Variants in MAP2 observed in about 807,000 individuals in gnomAD.
MAP2 encodes microtubule associated protein 2, also known as microtubule-associated protein 2.
MAP2 carries 14 observed loss-of-function variants against 137.6 expected under a neutral mutation model. That is an observed-to-expected ratio of 0.10 (90% CI 0.07 to 0.16). The LOEUF is 0.16. Ranked by LOEUF, MAP2 falls within the 10% of genes least tolerant of loss-of-function variation. The pLI, the probability that MAP2 is intolerant of heterozygous loss-of-function variation, is 1.00. For missense variants in MAP2, 2,088 were observed against 2,191.5 expected (o/e 0.95, Z 0.94); for synonymous variants, 786 against 782.3 (o/e 1.00, Z -0.08).
At chr2:209,445,660 A>G (rs1370732322) in intron 1 of MAP2, among the ~76,000 whole-genome samples, 1 of 151,686 alleles carries the variant, frequency 6.6e-6, no homozygotes, top group Non-Finnish European at 1.5e-5. Flanking sequence ...CTTATTAAAT[A>G]TGATCAAGAA....
chr2:209,626,009 A>T (rs573649999), intron 4 of MAP2, among the ~76,000 whole-genome samples: 4 of 152,274 alleles, frequency 2.6e-5, no homozygotes, highest in South Asian at 2.1e-4. Flanking sequence ...TAGTTTTTTT[A>T]AATTAGAAGT....
chr2:209,570,687 A>G (rs1427972083), intron 2 of MAP2, among the ~76,000 whole-genome samples: 2 of 151,920 alleles, frequency 1.3e-5, no homozygotes, highest in Non-Finnish European at 2.9e-5. Context: ...AAAGAGCTTT[A>G]TGACATTATG....
chr2:209,660,536 G>C (rs1334143791), intron 5 of MAP2, among the ~76,000 whole-genome samples: 4 of 147,192 alleles, frequency 2.7e-5, no homozygotes, highest in Non-Finnish European at 1.5e-5. Flanking sequence ...GGGACTACAG[G>C]CGCCCGCCAC....
At position 209,693,232 on chromosome 2, in the gene MAP2, A is replaced by G. The variant is rs2059400382; in HGVS notation, c.1062A>G (p.Gln354=). The G allele has an allele frequency of 6.2e-7, 1 of 1,614,006 alleles. No homozygotes were observed. The highest frequency in any genetic ancestry group is 1.1e-5 in the South Asian group (1 of 91,040). The change falls in exon 8 of 16, where the codon CAA becomes CAG. Residue 354 remains glutamine (Q), a synonymous_variant. Transcript: ENST00000682079. ...FLQPDDKKSL[Q]QTSGPATAKD... ...AGCCAGATGACAAAAAATCTCTGCA[A>G]CAAACCAGTGGCCCAGCTACTGCCA...
rs374626748 is a variant in MAP2 at position 209,453,916 on chromosome 2, C to T, written c.-222+29640C>T. On this transcript the variant is annotated intron_variant, in intron 1 of 15. Coordinates refer to ENST00000682079, the MANE Select transcript of MAP2 (RefSeq NM_001375505.1). Reference sequence around the variant, plus strand: ...CCTGTAATCCCAGAACTTTGGGAGGCCCAGACGGGTGGATCACAAGGTCAG... The same window carrying T: ...CCTGTAATCCCAGAACTTTGGGAGGTCCAGACGGGTGGATCACAAGGTCAG... Among the ~76,000 whole-genome samples the T allele has an allele frequency of 3.3e-4, 50 of 152,100 alleles. 1 individual carries two copies. Among genetic ancestry groups the T allele is most frequent in the African/African-American group, 1.2e-3 (50 of 41,524 alleles).
At chr2:209,614,935 G>C (rs1424513081) in intron 3 of MAP2, among the ~76,000 whole-genome samples, 3 of 152,136 alleles carry the variant, frequency 2.0e-5, no homozygotes, top group Non-Finnish European at 4.4e-5. Context: ...TGCTTCTAGA[G>C]CTTTTAGCTT....
At chr2:209,657,859 T>C (rs1227684371) in intron 5 of MAP2, among the ~76,000 whole-genome samples, 1 of 152,214 alleles carries the variant, frequency 6.6e-6, no homozygotes, top group Admixed American at 6.5e-5. Context: ...TTCAGAAAAG[T>C]TTTTCCTGGG....
intron 2 of MAP2, among the ~76,000 whole-genome samples, chr2:209,543,343 T>A (rs1302627729): frequency 6.6e-6 from 1 of 152,120 alleles, no homozygotes; most frequent in Admixed American, 6.5e-5. Context: ...CCATAACAGA[T>A]ATAAAAATAA....
At chr2:209,565,456 G>A (rs2073177446) in intron 2 of MAP2, among the ~76,000 whole-genome samples, 1 of 152,052 alleles carries the variant, frequency 6.6e-6, no homozygotes, top group Non-Finnish European at 1.5e-5. Context: ...CTGGGCTCAA[G>A]CGATCCTCCC....
chr2:209,562,591 G>A (rs2072401849), intron 2 of MAP2, among the ~76,000 whole-genome samples: 1 of 152,038 alleles, frequency 6.6e-6, no homozygotes, highest in Non-Finnish European at 1.5e-5. Flanking sequence ...CAGCTACTCG[G>A]GAGGCTGAGG....
intron 2 of MAP2, among the ~76,000 whole-genome samples, chr2:209,528,803 C>CAT (rs1474400689): frequency 1.3e-5 from 2 of 148,804 alleles, no homozygotes; most frequent in Non-Finnish European, 3.0e-5. Flanking sequence ...TGTACATGTA[C>CAT]ATATGTATGT....
chr2:209,570,671 G>A (rs1015849626), intron 2 of MAP2, among the ~76,000 whole-genome samples: 1 of 151,856 alleles, frequency 6.6e-6, no homozygotes, highest in African/African-American at 2.4e-5. Context: ...GCGATTCTGA[G>A]AAAGGAAAGA....
chr2:209,593,742 T>C (rs2080190317), intron 3 of MAP2, among the ~76,000 whole-genome samples: 1 of 938 alleles, frequency 1.1e-3, no homozygotes, highest in South Asian at 0.5. Context: ...TATAATACAT[T>C]ATATTATATT....
intron 2 of MAP2, among the ~76,000 whole-genome samples, chr2:209,560,330 CT>C (rs1179091272): frequency 6.6e-6 from 1 of 152,036 alleles, no homozygotes; most frequent in Non-Finnish European, 1.5e-5. Flanking sequence ...TTTTACTTTT[CT>C]TACATTTATT....
chr2:209,698,607 T>C (rs896944405), intron 10 of MAP2, among the ~76,000 whole-genome samples: 1 of 152,204 alleles, frequency 6.6e-6, no homozygotes, highest in Non-Finnish European at 1.5e-5. Context: ...TCATGTGCTT[T>C]CCTTCAAAAA....
intron 1 of MAP2, among the ~76,000 whole-genome samples, chr2:209,492,435 G>C (rs2059232574): frequency 6.6e-6 from 1 of 152,104 alleles, no homozygotes; most frequent in African/African-American, 2.4e-5. Context: ...AGAAGTTCTG[G>C]CCAGAGCAGT....
intron 3 of MAP2, among the ~76,000 whole-genome samples, chr2:209,595,683 C>T (rs556446014): frequency 2.6e-5 from 4 of 152,248 alleles, no homozygotes; most frequent in South Asian, 2.1e-4. Flanking sequence ...GCCCTATTCA[C>T]GATAGCAAAA....
intron 1 of MAP2, among the ~76,000 whole-genome samples, chr2:209,505,717 A>G (rs897911133): frequency 6.7e-6 from 1 of 149,872 alleles, no homozygotes; most frequent in African/African-American, 2.5e-5. Context: ...TATGCCTGTA[A>G]TCCCAGCACT....
intron 1 of MAP2, among the ~76,000 whole-genome samples, chr2:209,502,011 GAT>G (rs34921243): frequency 1.3e-3 from 190 of 151,452 alleles, no homozygotes; most frequent in African/African-American, 3.7e-3. Context: ...AACATGTTTT[GAT>G]ATATATATAT....
Sources: allele counts gnomAD v4.1 joint callset (sites outside exome capture counted in the v4.1 genomes callset), GRCh38; gene constraint gnomAD v4.1.1; transcripts MANE v1.5; gene names NCBI Gene and HGNC (gene_info 2026-07-23, HGNC 2026-07-21).